The following NIPSNAP2 variants were observed in gnomAD, a reference collection of about 807,000 sequenced individuals.
NIPSNAP2 encodes the protein nipsnap homolog 2.
A neutral mutation model predicts 48.4 loss-of-function variants in NIPSNAP2; 42 were observed. That is an observed-to-expected ratio of 0.87 (90% CI 0.68 to 1.12). The LOEUF (loss-of-function observed/expected upper bound fraction) is 1.12. Among genes scored for constraint, NIPSNAP2 ranks in the 50% most tolerant of loss-of-function variants. The pLI, the probability that NIPSNAP2 is intolerant of heterozygous loss-of-function variation, is 0.00. For synonymous variants in NIPSNAP2, 158 were observed against 126.6 expected (o/e 1.25, Z -1.67); for missense variants, 314 against 347.3 (o/e 0.90, Z 0.76).
chr7:55,980,836 A>G (rs1362976734), intron 3 of NIPSNAP2: 1 of 152,166 alleles, frequency 6.6e-6, no homozygotes, highest in East Asian at 1.9e-4. Flanking sequence ...AGTAGAACAT[A>G]ATTTATGCTT....
intron 1 of NIPSNAP2, among the ~76,000 whole-genome samples, chr7:55,972,225 G>A (rs1470672777): frequency 2.0e-5 from 3 of 151,332 alleles, no homozygotes; most frequent in Admixed American, 1.3e-4. Context: ...AGAATCACTT[G>A]AACCCAGGAG....
In NIPSNAP2 at chr7:55,981,474, C is replaced by T. The variant is rs1229215662; in HGVS notation, c.280C>T (p.Gln94Ter). 9.3e-6 allele frequency: 15 copies of T among 1,611,828 alleles called. No individual in the cohort carries two copies. Among genetic ancestry groups the T allele is most frequent in the Non-Finnish European group, 1.3e-5 (15 of 1,178,414 alleles). ...ECLEAYNKIC[Q>*]EVLPKIHEDK... The stretch of plus-strand genomic sequence containing the variant: ...GTGTTGCTGTTTCTTCTCTTTAAGT[C>T]AAGAGGTGTTGCCAAAGATTCACGA... The change falls in exon 4 of 10, where the codon CAA becomes TAA. Residue 94 changes from glutamine (Q) to a stop codon, truncating the protein, a stop_gained and splice_region_variant. Coordinates refer to ENST00000322090, the MANE Select transcript of NIPSNAP2 (RefSeq NM_001483.3). LOFTEE classifies it high-confidence loss of function.
rs1372580691 is a variant in NIPSNAP2, at chr7:55,964,700, C to G, written c.91C>G (p.Arg31Gly). 2 of 1,121,326 alleles carry G rather than the reference C, an allele frequency of 1.8e-6. No homozygotes were observed. The highest frequency in any genetic ancestry group is 2.2e-6 in the Non-Finnish European group (2 of 917,116). The allele number at this position is 1,121,326 out of a possible 1,614,324, so 69.5% of individuals were successfully genotyped here. ...AAPCSLLPRL[R>G]TWTSSSNRSR... ...CCCCTGCAGCCTCCTGCCCAGGCTC[C>G]GGTGAGCAGCGCCGCCCTTCCCGGG... Residue 31 changes from arginine to glycine, a missense_variant and splice_region_variant, in exon 1 of 10, where the codon CGG becomes GGG. This residue lies in a region of NIPSNAP2 where 198 missense variants were observed against 185.5 expected (regional missense o/e 1.07). Coordinates refer to ENST00000322090, the MANE Select transcript of NIPSNAP2 (RefSeq NM_001483.3).
At chr7:55,982,184 AT>A (rs748414809) in intron 4 of NIPSNAP2, 25 bp from the exon 5 acceptor site, 28 of 1,477,458 alleles carry the variant, frequency 1.9e-5, no homozygotes, top group Admixed American at 6.8e-5. Context: ...TTCTAAACGT[AT>A]ACTGTCTTTT....
Position 55,983,801 on chromosome 7 carries a change from G to T in NIPSNAP2, c.518G>T (p.Ser173Ile). 2 of 1,614,050 alleles carry T rather than the reference G, an allele frequency of 1.2e-6. No individual in the cohort carries two copies. The highest frequency in any genetic ancestry group is 1.7e-6 in the Non-Finnish European group (2 of 1,179,986). The change falls in exon 6 of 10, where the codon AGT becomes ATT. Residue 173 changes from serine (S) to isoleucine (I), a missense_variant. Physicochemically the swap from Ser to Ile is moderately radical, Grantham distance 142. Coordinates refer to ENST00000322090, the MANE Select transcript of NIPSNAP2 (RefSeq NM_001483.3). ...AAGAATCAGCTCCTGTTGGAGTTCA[G>T]TTTCTGGAATGAGCCTGTGCCAAGA... ...SRKNQLLLEF[S>I]FWNEPVPRSG...
At chr7:55,979,742 T>C (rs1787174175) in intron 3 of NIPSNAP2, 1 of 454,944 alleles carries the variant, frequency 2.2e-6, no homozygotes. Flanking sequence ...CGTTTTTTCT[T>C]TTCTCTGAAA....
chr7:55,998,491 C>CTTTTTTTTTTT (rs1406658343), intron 9 of NIPSNAP2, among the ~76,000 whole-genome samples: 1 of 79,942 alleles, frequency 1.3e-5, no homozygotes, highest in African/African-American at 3.9e-5. Context: ...CAGGTAGGAT[C>CTTTTTTTTTTT]TGTTTTTTTT....
chr7:55,995,886 G>T (rs1787552462), intron 8 of NIPSNAP2, among the ~76,000 whole-genome samples: 1 of 152,196 alleles, frequency 6.6e-6, no homozygotes, highest in African/African-American at 2.4e-5. Flanking sequence ...GCAAGTTGAA[G>T]ATGATTGCTT....
intron 6 of NIPSNAP2, among the ~76,000 whole-genome samples, chr7:55,984,146 A>G (rs1442177172): frequency 6.6e-6 from 1 of 152,196 alleles, no homozygotes; most frequent in Non-Finnish European, 1.5e-5. Flanking sequence ...AAGGTACAAT[A>G]TGTAACATCT....
intron 3 of NIPSNAP2, chr7:55,980,412 T>C (rs1370848821): frequency 1.3e-5 from 2 of 152,688 alleles, no homozygotes; most frequent in Non-Finnish European, 2.9e-5. Flanking sequence ...TTACATACCC[T>C]TGGTCCTGTA....
chr7:55,993,371 A>G (rs1019348676), intron 7 of NIPSNAP2, among the ~76,000 whole-genome samples: 2 of 151,960 alleles, frequency 1.3e-5, no homozygotes, highest in Non-Finnish European at 2.9e-5. Flanking sequence ...GAAGCGGGGC[A>G]GATCGAGACC....
rs746424983 is a variant in NIPSNAP2 at position 55,978,111 on chromosome 7, T to C, written c.93-15T>C. 6.2e-7 allele frequency: 1 copy of C among 1,613,872 alleles called. No individual in the cohort carries two copies. The highest frequency in any genetic ancestry group is 8.5e-7 in the Non-Finnish European group (1 of 1,179,910). Reference sequence around the variant, plus strand: ...AAACAGTATACTGCGTGACAACACCTTTGTTATTCCATAGGACATGGACAT... The same window carrying C: ...AAACAGTATACTGCGTGACAACACCCTTGTTATTCCATAGGACATGGACAT... On this transcript the variant is annotated splice_polypyrimidine_tract_variant and intron_variant, in intron 1 of 9. Transcript: ENST00000322090.
intron 7 of NIPSNAP2, among the ~76,000 whole-genome samples, chr7:55,985,135 C>G (rs1787299719): frequency 6.6e-6 from 1 of 152,116 alleles, no homozygotes; most frequent in African/African-American, 2.4e-5. Flanking sequence ...CTCCTTCAAC[C>G]CAGATTGTTT....
intron 1 of NIPSNAP2, among the ~76,000 whole-genome samples, chr7:55,966,965 G>A (rs1325501619): frequency 3.3e-5 from 5 of 152,176 alleles, no homozygotes; most frequent in South Asian, 2.1e-4. Flanking sequence ...AGTGCCATCC[G>A]CTGCCAAAGT....
chr7:55,970,880 C>G (rs1401853131), intron 1 of NIPSNAP2, among the ~76,000 whole-genome samples: 1 of 152,110 alleles, frequency 6.6e-6, no homozygotes, highest in Non-Finnish European at 1.5e-5. Context: ...CTGCACCTCC[C>G]AGGCCAAGCT....
chr7:55,978,424 G>T, intron 3 of NIPSNAP2, 29 bp downstream of exon 3: 1 of 1,573,878 alleles, frequency 6.4e-7, no homozygotes, highest in South Asian at 1.2e-5. Context: ...CCTTTACTTG[G>T]GGAAAAATAA....
chr7:55,992,561 C>T (rs2116372950), intron 7 of NIPSNAP2, among the ~76,000 whole-genome samples: 1 of 152,166 alleles, frequency 6.6e-6, no homozygotes. Context: ...GAGATGTTAT[C>T]ATTCAGTATA....
At chr7:55,981,155 C>G in intron 3 of NIPSNAP2, 1 of 158,260 alleles carries the variant, frequency 6.3e-6, no homozygotes, top group East Asian at 1.8e-4. Flanking sequence ...CGTTTTTTTT[C>G]CCCTCAAATG....
chr7:55,965,973 G>A (rs1786885287), intron 1 of NIPSNAP2, among the ~76,000 whole-genome samples: 1 of 152,210 alleles, frequency 6.6e-6, no homozygotes, highest in Non-Finnish European at 1.5e-5. Flanking sequence ...AGAGTTGAGA[G>A]TTTGCAGAGA....
Sources: allele counts gnomAD v4.1 joint callset (sites outside exome capture counted in the v4.1 genomes callset), GRCh38; gene constraint gnomAD v4.1.1; regional missense constraint gnomAD v4.1.1; transcripts MANE v1.5; gene names NCBI Gene and HGNC (gene_info 2026-07-23, HGNC 2026-07-21).